Variants in CACHD1 observed in about 807,000 individuals in gnomAD.
The protein encoded by CACHD1 is cache domain containing 1, also known as VWFA and cache domain-containing protein 1.
In CACHD1, 71 loss-of-function variants were observed where a neutral mutation model predicts 138.7. The ratio of observed to expected loss-of-function variants is 0.51; its 90% CI spans 0.42 to 0.62. CACHD1 has a LOEUF of 0.62. Ranked by LOEUF, CACHD1 falls within the 20% of genes least tolerant of loss-of-function variation. The pLI, the probability that CACHD1 is intolerant of heterozygous loss-of-function variation, is 0.00. For synonymous variants in CACHD1, 578 were observed against 591.5 expected, an observed-to-expected ratio of 0.98 and a Z score of 0.33; for missense variants, 1,389 against 1,625.3, an observed-to-expected ratio of 0.85 and a Z score of 2.50.
chr1:64,669,837 C>A (rs1486739496), intron 16 of CACHD1, among the ~76,000 whole-genome samples: 1 of 152,052 alleles, frequency 6.6e-6, no homozygotes, highest in Non-Finnish European at 1.5e-5. Flanking sequence ...AAGCAGATGG[C>A]AGTTATACAA....
At chr1:64,597,579 A>C (rs1283163083) in intron 3 of CACHD1, among the ~76,000 whole-genome samples, 1 of 63,820 alleles carries the variant, frequency 1.6e-5, no homozygotes, top group African/African-American at 6.0e-5. Flanking sequence ...AGATGGAGTT[A>C]TTTCTCTTGA....
chr1:64,550,696 T>C, intron 2 of CACHD1, 40 bp downstream of exon 2: 1 of 1,404,774 alleles, frequency 7.1e-7, no homozygotes, highest in Non-Finnish European at 1.0e-6. Context: ...TGTCTTTGTC[T>C]TGCTTTTAGA....
intron 1 of CACHD1, among the ~76,000 whole-genome samples, chr1:64,488,657 G>A (rs1299846317): frequency 6.6e-6 from 1 of 152,130 alleles, no homozygotes; most frequent in Non-Finnish European, 1.5e-5. Context: ...ACAAGACTGA[G>A]ATCAAAATTG....
chr1:64,544,997 T>C (rs142622657), intron 1 of CACHD1, among the ~76,000 whole-genome samples: 1 of 152,282 alleles, frequency 6.6e-6, no homozygotes, highest in East Asian at 1.9e-4. Context: ...TATCTGTGAA[T>C]TGCTAGGTGA....
chr1:64,529,136 A>G (rs529035619), intron 1 of CACHD1, among the ~76,000 whole-genome samples: 41 of 152,266 alleles, frequency 2.7e-4, no homozygotes, highest in African/African-American at 9.6e-4. Context: ...GTTTTTAATT[A>G]AATTCCATTA....
chr1:64,497,679 T>G (rs1209642703), intron 1 of CACHD1, among the ~76,000 whole-genome samples: 1 of 152,052 alleles, frequency 6.6e-6, no homozygotes, highest in Non-Finnish European at 1.5e-5. Context: ...ACAGGACACA[T>G]CAGCATATCA....
At chr1:64,507,504 G>T (rs1484019018) in intron 1 of CACHD1, among the ~76,000 whole-genome samples, 1 of 152,164 alleles carries the variant, frequency 6.6e-6, no homozygotes, top group East Asian at 1.9e-4. Flanking sequence ...ACTTTCTGGG[G>T]TGTAAAAAGA....
chr1:64,606,129 A>ACG (rs1553138120), intron 4 of CACHD1, among the ~76,000 whole-genome samples: 1 of 149,696 alleles, frequency 6.7e-6, no homozygotes, highest in Non-Finnish European at 1.5e-5. Context: ...ACACACACAC[A>ACG]CGCACACACA....
At chr1:64,587,826 A>G (rs1647062987) in intron 3 of CACHD1, among the ~76,000 whole-genome samples, 1 of 152,108 alleles carries the variant, frequency 6.6e-6, no homozygotes, top group Non-Finnish European at 1.5e-5. Flanking sequence ...GCATAATTAC[A>G]CCTATGGACT....
At chr1:64,552,900 A>G (rs916251984) in intron 2 of CACHD1, among the ~76,000 whole-genome samples, 1 of 152,174 alleles carries the variant, frequency 6.6e-6, no homozygotes, top group East Asian at 1.9e-4. Flanking sequence ...TTATCGTACA[A>G]TCTATTCTGT....
intron 1 of CACHD1, among the ~76,000 whole-genome samples, chr1:64,542,636 TTA>T (rs1646685741): frequency 6.6e-6 from 1 of 152,058 alleles, no homozygotes; most frequent in South Asian, 2.1e-4. Context: ...AATATATATT[TTA>T]GATATATATT....
Position 64,577,938 on chromosome 1 carries a change from G to A in CACHD1, c.262-4218G>A, listed in dbSNP as rs141664245. On this transcript the variant is annotated intron_variant, in intron 2 of 26. Coordinates refer to ENST00000651257, the MANE Select transcript of CACHD1 (RefSeq NM_020925.4). ...AAGGCAAAGGCAGACATTCTACCCC[G>A]ATCCCCCAGTAAAACACACCTCTGC... Among the ~76,000 whole-genome samples the A allele has an allele frequency of 2.4e-3, 362 of 152,204 alleles. 2 individuals are homozygous for A. Among genetic ancestry groups the A allele is most frequent in the African/African-American group, 8.4e-3 (350 of 41,526 alleles).
rs578134360 is a variant in CACHD1, at chr1:64,679,718, G to T, written c.3368G>T (p.Arg1123Leu). The change falls in exon 24 of 27, where the codon CGC becomes CTC. Residue 1123 changes from arginine (R) to leucine (L), a missense_variant. Arg to Leu is a moderately radical substitution (Grantham distance 102). Transcript: ENST00000651257. ...TATGCCTACCGCCACCAGATTCATC[G>T]CCGGAGCCATCAGCATATGTCTCCT... Reference protein sequence around the residue: ...AVYAYRHQIHRRSHQHMSPLA... With the variant: ...AVYAYRHQIHLRSHQHMSPLA... 1.2e-6 allele frequency: 2 copies of T among 1,613,956 alleles called. No homozygotes were observed. The highest frequency in any genetic ancestry group is 1.7e-6 in the Non-Finnish European group (2 of 1,180,020).
At chr1:64,612,485 A>T (rs1461549279) in intron 4 of CACHD1, among the ~76,000 whole-genome samples, 1 of 152,170 alleles carries the variant, frequency 6.6e-6, no homozygotes, top group Non-Finnish European at 1.5e-5. Flanking sequence ...TATAATGAGT[A>T]TGTAAGGAAA....
At chr1:64,601,760 G>C (rs949468462) in intron 3 of CACHD1, among the ~76,000 whole-genome samples, 2 of 152,168 alleles carry the variant, frequency 1.3e-5, no homozygotes, top group Admixed American at 1.3e-4. Context: ...TAGCTTTATA[G>C]CTTCTCTATT....
At chr1:64,546,152 A>G (rs564807945) in intron 1 of CACHD1, among the ~76,000 whole-genome samples, 3 of 152,232 alleles carry the variant, frequency 2.0e-5, no homozygotes, top group Admixed American at 2.0e-4. Context: ...GTAAGAGTTC[A>G]GATTTCTGGG....
intron 19 of CACHD1, among the ~76,000 whole-genome samples, 197 bp downstream of exon 19, chr1:64,673,661 A>G (rs905918245): frequency 6.6e-6 from 1 of 152,200 alleles, no homozygotes; most frequent in Admixed American, 6.5e-5. Context: ...GTAGAAAAGT[A>G]AAAGTTTTAA....
chr1:64,541,385 A>AT (rs10709107), intron 1 of CACHD1, among the ~76,000 whole-genome samples: 8 of 152,164 alleles, frequency 5.3e-5, no homozygotes, highest in Non-Finnish European at 8.8e-5. Flanking sequence ...TCAGATACAG[A>AT]TTTTTTTCCC....
intron 2 of CACHD1, among the ~76,000 whole-genome samples, chr1:64,568,112 A>C (rs1646897409): frequency 6.6e-6 from 1 of 152,150 alleles, no homozygotes; most frequent in African/African-American, 2.4e-5. Context: ...ACCTTAAGAC[A>C]GTTGGTTATA....
Sources: gnomAD v4.1 joint callset for allele counts (sites outside exome capture counted in the v4.1 genomes callset) on GRCh38, gnomAD v4.1.1 for gene constraint, MANE v1.5 for transcripts, NCBI Gene and HGNC (gene_info 2026-07-23, HGNC 2026-07-21) for gene names.